ARHGEF28: variants seen among roughly 807,000 people sequenced by gnomAD.
ARHGEF28 encodes 190 kDa guanine nucleotide exchange factor.
ARHGEF28 carries 152 observed loss-of-function variants against 206.6 expected under a neutral mutation model. The observed-to-expected ratio is 0.74, with a 90% CI of 0.64 to 0.84. The LOEUF is 0.84. Ranked by LOEUF, ARHGEF28 falls within the 40% of genes least tolerant of loss-of-function variation. The pLI, the probability that ARHGEF28 is intolerant of heterozygous loss-of-function variation, is 0.00. For synonymous variants in ARHGEF28, 763 were observed against 776.4 expected, an observed-to-expected ratio of 0.98 and a Z score of 0.29; for missense variants, 2,028 against 2,073.2, an observed-to-expected ratio of 0.98 and a Z score of 0.42.
intron 12 of ARHGEF28, among the ~76,000 whole-genome samples, chr5:73,846,992 T>G (rs1758405754): frequency 6.6e-6 from 1 of 152,234 alleles, no homozygotes; most frequent in South Asian, 2.1e-4. Context: ...TTGTTGGCTA[T>G]TTCACATTGG....
At chr5:73,935,909 C>T (rs1485102296) in intron 35 of ARHGEF28, among the ~76,000 whole-genome samples, 3 of 152,148 alleles carry the variant, frequency 2.0e-5, no homozygotes, top group East Asian at 1.9e-4. Context: ...CTGAACAGCG[C>T]GTCATCAGTG....
chr5:73,908,854 C>G (rs1762695899), intron 33 of ARHGEF28: 1 of 152,180 alleles, frequency 6.6e-6, no homozygotes, highest in Admixed American at 6.5e-5. Flanking sequence ...AACTGCTATT[C>G]TTAGGCATTA....
chr5:73,741,385 GTATATA>G (rs67973637), intron 2 of ARHGEF28, among the ~76,000 whole-genome samples: 73 of 21,646 alleles, frequency 3.4e-3, no homozygotes, highest in South Asian at 8.4e-3. Flanking sequence ...GTGTGTGTGT[GTATATA>G]TATATATATA....
intron 27 of ARHGEF28, 54 bp from the exon 28 acceptor site, chr5:73,893,143 T>G: frequency 7.2e-7 from 1 of 1,394,898 alleles, no homozygotes; most frequent in Non-Finnish European, 9.6e-7. Flanking sequence ...CTAATGAATC[T>G]ACAGATACTT....
At chr5:73,915,509 A>G (rs1162876810) in intron 35 of ARHGEF28, among the ~76,000 whole-genome samples, 1 of 151,944 alleles carries the variant, frequency 6.6e-6, no homozygotes, top group East Asian at 1.9e-4. Context: ...CTTTTTCTGT[A>G]CTCCTCTATG....
intron 16 of ARHGEF28, among the ~76,000 whole-genome samples, chr5:73,862,498 T>G (rs1398642014): frequency 6.6e-6 from 1 of 152,204 alleles, no homozygotes; most frequent in African/African-American, 2.4e-5. Flanking sequence ...CTTTTATAGG[T>G]CCTTGCTCTT....
chr5:73,778,994 G>A (rs1753686508), intron 6 of ARHGEF28, among the ~76,000 whole-genome samples: 1 of 152,172 alleles, frequency 6.6e-6, no homozygotes, highest in South Asian at 2.1e-4. Flanking sequence ...CCGGGTTTGG[G>A]CATTGCTTAG....
chr5:73,926,942 C>T (rs536250285), intron 35 of ARHGEF28, among the ~76,000 whole-genome samples: 1 of 152,178 alleles, frequency 6.6e-6, no homozygotes, highest in Non-Finnish European at 1.5e-5. Context: ...CTTCATGATC[C>T]TTGCTCTTGA....
chr5:73,840,115 A>C (rs1440964939), intron 10 of ARHGEF28, among the ~76,000 whole-genome samples: 1 of 152,144 alleles, frequency 6.6e-6, no homozygotes, highest in Admixed American at 6.5e-5. Flanking sequence ...AAACATATAA[A>C]ATAATTCTCT....
chr5:73,665,533 C>T (rs949012271), intron 1 of ARHGEF28, among the ~76,000 whole-genome samples: 4 of 152,118 alleles, frequency 2.6e-5, no homozygotes, highest in Admixed American at 2.0e-4. Flanking sequence ...AATGGAGTAA[C>T]ACAGATGGGG....
At chr5:73,763,259 T>G (rs939873262) in intron 4 of ARHGEF28, among the ~76,000 whole-genome samples, 3 of 152,196 alleles carry the variant, frequency 2.0e-5, no homozygotes, top group African/African-American at 7.2e-5. Flanking sequence ...AGAATATCCC[T>G]TGTTGATTGT....
rs1177141353 is a variant in ARHGEF28, at chr5:73,902,060, A to T, written c.4074+776A>T. 3.9e-5 allele frequency: 6 copies of T among 152,166 alleles called. 1 individual carries two copies. Among genetic ancestry groups the T allele is most frequent in the Admixed American group, 3.9e-4 (6 of 15,286 alleles). The allele number at this position is 152,166 out of a possible 1,614,324, so 9.4% of individuals were successfully genotyped here. A position where few individuals can be genotyped will look rare whatever the true frequency, so the allele number is the denominator to read the frequency against. ...CATTAATAGGTGCCAATATGTGTCA[A>T]TGTGAAAAAATGGCAAATGTCAGAT... On this transcript the variant is annotated intron_variant, in intron 31 of 35. Coordinates refer to ENST00000513042, the MANE Select transcript of ARHGEF28 (RefSeq NM_001177693.2).
intron 16 of ARHGEF28, among the ~76,000 whole-genome samples, chr5:73,859,841 TC>T (rs1759282046): frequency 6.6e-6 from 1 of 152,108 alleles, no homozygotes; most frequent in Non-Finnish European, 1.5e-5. Flanking sequence ...GACCTTTCCC[TC>T]CCCTGTTTTA....
At chr5:73,920,923 AC>A (rs2111971830) in intron 35 of ARHGEF28, among the ~76,000 whole-genome samples, 1 of 152,336 alleles carries the variant, frequency 6.6e-6, no homozygotes, top group South Asian at 2.1e-4. Context: ...TATATCAATA[AC>A]AATTAGTCAG....
At chr5:73,638,119 T>C (rs1043094726) in intron 1 of ARHGEF28, among the ~76,000 whole-genome samples, 3 of 152,258 alleles carry the variant, frequency 2.0e-5, no homozygotes, top group African/African-American at 7.2e-5. Flanking sequence ...TTTAAAACTA[T>C]TATTTTTTGA....
chr5:73,824,394 C>G (rs1000250038), intron 9 of ARHGEF28, among the ~76,000 whole-genome samples: 4 of 151,908 alleles, frequency 2.6e-5, no homozygotes, highest in African/African-American at 9.7e-5. Flanking sequence ...ATAGAAAGAG[C>G]TCAGAGAAGA....
intron 9 of ARHGEF28, among the ~76,000 whole-genome samples, chr5:73,797,405 A>AT (rs1249542956): frequency 2.0e-5 from 3 of 152,020 alleles, no homozygotes; most frequent in Admixed American, 1.3e-4. Flanking sequence ...GTTATCTGTT[A>AT]TTTTTTATTT....
intron 16 of ARHGEF28, among the ~76,000 whole-genome samples, chr5:73,861,251 G>A (rs575964112): frequency 1.3e-5 from 2 of 152,302 alleles, no homozygotes; most frequent in South Asian, 4.1e-4. Flanking sequence ...TAAAGAATAT[G>A]TTGGTTCATT....
chr5:73,722,476 G>C (rs1750020138), intron 2 of ARHGEF28, among the ~76,000 whole-genome samples: 2 of 152,242 alleles, frequency 1.3e-5, no homozygotes, highest in Admixed American at 1.3e-4. Context: ...CTGCAGCCCA[G>C]GCAAGTTTTC....
Sources: allele counts gnomAD v4.1 joint callset (sites outside exome capture counted in the v4.1 genomes callset), GRCh38; gene constraint gnomAD v4.1.1; transcripts MANE v1.5; gene names NCBI Gene and HGNC (gene_info 2026-07-23, HGNC 2026-07-21).